Variants in FMN1 observed in about 807,000 individuals in gnomAD.
FMN1 encodes formin-1.
Under a neutral mutation model 132.4 loss-of-function variants are expected in FMN1, and 110 were observed. That is an observed-to-expected ratio of 0.83 (90% CI 0.71 to 0.97). The LOEUF (loss-of-function observed/expected upper bound fraction) is 0.97, where lower values mean the gene tolerates loss of function less well. Among genes scored for constraint, FMN1 ranks in the 50% least tolerant of loss-of-function variants. FMN1 has a pLI of 0.00. For missense variants in FMN1, 1,792 were observed against 1,705.3 expected (o/e 1.05, Z -0.90); for synonymous variants, 722 against 651.7 (o/e 1.11, Z -1.64).
chr15:33,142,811 T>C (rs2140255170), intron 4 of FMN1, among the ~76,000 whole-genome samples: 1 of 152,352 alleles, frequency 6.6e-6, no homozygotes, highest in South Asian at 2.1e-4. Flanking sequence ...AATCACAGCC[T>C]ACAAGAGTTA....
intron 3 of FMN1, among the ~76,000 whole-genome samples, chr15:33,172,566 G>A (rs1219441402): frequency 6.6e-6 from 1 of 152,212 alleles, no homozygotes; most frequent in East Asian, 1.9e-4. Flanking sequence ...ACTGACACTG[G>A]TTATGTGGTT....
intron 3 of FMN1, among the ~76,000 whole-genome samples, chr15:33,156,759 C>T (rs182354157): frequency 2.9e-4 from 44 of 152,248 alleles, no homozygotes; most frequent in African/African-American, 9.6e-4. Flanking sequence ...AAAGCAATTG[C>T]AAAGCTGTCA....
At chr15:33,125,065 TGA>T (rs1433456841) in intron 4 of FMN1, among the ~76,000 whole-genome samples, 3 of 152,218 alleles carry the variant, frequency 2.0e-5, no homozygotes, top group South Asian at 2.1e-4. Context: ...TTAAAGCGAC[TGA>T]GTTTTTCCAC....
intron 6 of FMN1, among the ~76,000 whole-genome samples, chr15:33,011,082 A>G (rs1343723842): frequency 6.6e-6 from 1 of 152,192 alleles, no homozygotes; most frequent in Non-Finnish European, 1.5e-5. Context: ...GCAAAATGCC[A>G]ATAAGAGCCA....
intron 11 of FMN1, among the ~76,000 whole-genome samples, chr15:32,909,049 G>T (rs900954125): frequency 6.6e-6 from 1 of 152,248 alleles, no homozygotes; most frequent in Non-Finnish European, 1.5e-5. Context: ...AGCACTCATT[G>T]TCTGTACCAC....
chr15:33,058,301 T>C (rs1460650183), intron 6 of FMN1, among the ~76,000 whole-genome samples: 9 of 152,174 alleles, frequency 5.9e-5, no homozygotes, highest in Non-Finnish European at 1.3e-4. Context: ...GTGTGGAATA[T>C]GGAGTATCGA....
At chr15:33,031,466 G>T (rs1163692606) in intron 6 of FMN1, among the ~76,000 whole-genome samples, 1 of 152,154 alleles carries the variant, frequency 6.6e-6, no homozygotes, top group Non-Finnish European at 1.5e-5. Context: ...CTCGTGGCAT[G>T]ACCAGTCAGC....
intron 6 of FMN1, among the ~76,000 whole-genome samples, chr15:33,013,647 A>G (rs1230831870): frequency 1.3e-5 from 2 of 152,250 alleles, no homozygotes; most frequent in African/African-American, 4.8e-5. Flanking sequence ...GTTTCCTCAA[A>G]TATCAATATA....
intron 16 of FMN1, among the ~76,000 whole-genome samples, chr15:32,880,146 G>A (rs772710809): frequency 2.7e-5 from 4 of 145,894 alleles, no homozygotes; most frequent in Admixed American, 6.7e-5. Flanking sequence ...TATAGCACAC[G>A]GTACCATGAC....
chr15:32,981,647 G>A (rs1472880448), intron 7 of FMN1, among the ~76,000 whole-genome samples: 5 of 151,536 alleles, frequency 3.3e-5, no homozygotes, highest in Admixed American at 2.0e-4. Flanking sequence ...GCATCTTAAT[G>A]AAAACACAGA....
intron 4 of FMN1, among the ~76,000 whole-genome samples, chr15:33,089,209 C>G (rs1343691990): frequency 1.3e-5 from 2 of 152,176 alleles, no homozygotes; most frequent in Admixed American, 6.5e-5. Context: ...TGGCTGTACT[C>G]TATGCCCCAT....
At chr15:32,923,843 C>T (rs953117058) in intron 10 of FMN1, among the ~76,000 whole-genome samples, 4 of 152,164 alleles carry the variant, frequency 2.6e-5, no homozygotes, top group African/African-American at 9.7e-5. Context: ...TTAAAACAAA[C>T]GGAATATAGT....
At chr15:32,924,907 T>C (rs1567403297) in intron 10 of FMN1, among the ~76,000 whole-genome samples, 1 of 152,064 alleles carries the variant, frequency 6.6e-6, no homozygotes, top group Non-Finnish European at 1.5e-5. Context: ...AGAGCAAAAC[T>C]CCGTCTCAAA....
chr15:32,882,124 C>T (rs555406577), intron 16 of FMN1, among the ~76,000 whole-genome samples: 81 of 152,198 alleles, frequency 5.3e-4, no homozygotes, highest in Non-Finnish European at 9.7e-4. Flanking sequence ...CAAGAGAAAG[C>T]CTGAATTCAA....
In FMN1 at chr15:32,964,048, C is replaced by T. The variant is rs776678762; in HGVS notation, c.3138+59G>A. ...ACACACACACACACACACACACACA[C>T]ATATATACCATTTCCCTGTATAATA... On this transcript the variant is annotated intron_variant, in intron 9 of 20. Coordinates refer to ENST00000616417, the MANE Select transcript of FMN1 (RefSeq NM_001277313.2). The T allele has an allele frequency of 2.2e-4, 247 of 1,124,340 alleles. No individual in the cohort carries two copies. The highest frequency in any genetic ancestry group is 1.2e-3 in the African/African-American group (66 of 56,558). The allele number at this position is 1,124,340 out of a possible 1,614,324, so 69.6% of individuals were successfully genotyped here. A position where few individuals can be genotyped will look rare whatever the true frequency, so the allele number is the denominator to read the frequency against.
intron 9 of FMN1, among the ~76,000 whole-genome samples, chr15:32,959,926 C>T (rs1286211259): frequency 6.6e-6 from 1 of 152,138 alleles, no homozygotes; most frequent in African/African-American, 2.4e-5. Context: ...CATAAGAAAG[C>T]ATTCAGAGGA....
At chr15:33,065,927 T>C (rs2037704881) in intron 5 of FMN1, among the ~76,000 whole-genome samples, 1 of 152,190 alleles carries the variant, frequency 6.6e-6, no homozygotes, top group South Asian at 2.1e-4. Context: ...CCATTTTATT[T>C]TCCTCATTTT....
At chr15:33,164,152 C>T (rs1160517364) in intron 3 of FMN1, among the ~76,000 whole-genome samples, 3 of 152,138 alleles carry the variant, frequency 2.0e-5, no homozygotes, top group Admixed American at 2.0e-4. Flanking sequence ...TATGAGATAG[C>T]ACTGAAATTG....
intron 17 of FMN1, among the ~76,000 whole-genome samples, chr15:32,849,052 C>T (rs564540571): frequency 2.2e-5 from 3 of 136,486 alleles, no homozygotes; most frequent in Non-Finnish European, 3.1e-5. Context: ...GGCGCAATCT[C>T]GGCTCACTGC....
Sources: gnomAD v4.1 joint callset for allele counts (sites outside exome capture counted in the v4.1 genomes callset) on GRCh38, gnomAD v4.1.1 for gene constraint, MANE v1.5 for transcripts, NCBI Gene and HGNC (gene_info 2026-07-23, HGNC 2026-07-21) for gene names.